The following NR3C2 variants were observed in gnomAD, a reference collection of about 807,000 sequenced individuals.
The protein encoded by NR3C2 is mineralocorticoid receptor.
NR3C2 carries 15 observed loss-of-function variants against 86.4 expected under a neutral mutation model. That is an observed-to-expected ratio of 0.17 (90% CI 0.12 to 0.27). The LOEUF is 0.27. Among genes scored for constraint, NR3C2 ranks in the 10% least tolerant of loss-of-function variants. The pLI is 1.00. For missense variants in NR3C2, 960 were observed against 1,195.6 expected, an observed-to-expected ratio of 0.80 and a Z score of 2.91; for synonymous variants, 458 against 450.5, an observed-to-expected ratio of 1.02 and a Z score of -0.21.
chr4:148,377,791 T>G (rs1230628474), intron 2 of NR3C2, among the ~76,000 whole-genome samples: 2 of 152,088 alleles, frequency 1.3e-5, no homozygotes, highest in Non-Finnish European at 2.9e-5. Flanking sequence ...ATTTCTGTTC[T>G]GTTTCCATTG....
intron 6 of NR3C2, among the ~76,000 whole-genome samples, chr4:148,136,051 C>T (rs1402602713): frequency 2.4e-3 from 126 of 53,508 alleles, no homozygotes; most frequent in Non-Finnish European, 3.9e-3. Flanking sequence ...AGCGAGACTC[C>T]GTCTCAAAAA....
chr4:148,191,380 G>T (rs1736187791), intron 4 of NR3C2, among the ~76,000 whole-genome samples: 1 of 152,148 alleles, frequency 6.6e-6, no homozygotes, highest in African/African-American at 2.4e-5. Flanking sequence ...TTCCTTTATA[G>T]GTTACCTGGT....
chr4:148,323,099 A>T (rs936514649), intron 2 of NR3C2, among the ~76,000 whole-genome samples: 5 of 148,864 alleles, frequency 3.4e-5, no homozygotes, highest in Admixed American at 2.7e-4. Context: ...CTTCTAACAG[A>T]CAGGACCCTC....
chr4:148,400,423 A>G (rs577811457), intron 2 of NR3C2, among the ~76,000 whole-genome samples: 3 of 152,318 alleles, frequency 2.0e-5, no homozygotes, highest in Non-Finnish European at 2.9e-5. Flanking sequence ...TTCCCAATCC[A>G]TAAGAGAGTA....
intron 2 of NR3C2, among the ~76,000 whole-genome samples, chr4:148,410,401 C>T (rs1748636385): frequency 6.6e-6 from 1 of 152,144 alleles, no homozygotes; most frequent in Non-Finnish European, 1.5e-5. Flanking sequence ...ACTACACCAT[C>T]GTCCAAGAAT....
chr4:148,243,379 A>T (rs1560997219), intron 3 of NR3C2, among the ~76,000 whole-genome samples: 1 of 152,062 alleles, frequency 6.6e-6, no homozygotes, highest in Admixed American at 6.6e-5. Context: ...GATAAACAGG[A>T]TCTCCACAAA....
chr4:148,392,060 G>T (rs1215571573), intron 2 of NR3C2, among the ~76,000 whole-genome samples: 1 of 151,804 alleles, frequency 6.6e-6, no homozygotes, highest in Non-Finnish European at 1.5e-5. Context: ...GGTTTAAACA[G>T]AAAGCACCAC....
At chr4:148,082,711 C>T (rs1187228834) in intron 8 of NR3C2, among the ~76,000 whole-genome samples, 5 of 149,402 alleles carry the variant, frequency 3.3e-5, no homozygotes, top group Admixed American at 6.7e-5. Flanking sequence ...GGAACACCAG[C>T]GAGACAGAAC....
At chr4:148,309,027 G>T (rs927940075) in intron 2 of NR3C2, among the ~76,000 whole-genome samples, 1 of 151,728 alleles carries the variant, frequency 6.6e-6, no homozygotes, top group African/African-American at 2.4e-5. Context: ...CTGAAAGGAG[G>T]ATATTGAATG....
At chr4:148,280,086 A>G (rs1310260655) in intron 2 of NR3C2, among the ~76,000 whole-genome samples, 1 of 152,340 alleles carries the variant, frequency 6.6e-6, no homozygotes, top group Admixed American at 6.5e-5. Flanking sequence ...ACCCTAAAAT[A>G]ATCTGTTTGC....
chr4:148,346,611 TG>T (rs1745006319), intron 2 of NR3C2, among the ~76,000 whole-genome samples: 1 of 152,076 alleles, frequency 6.6e-6, no homozygotes, highest in Non-Finnish European at 1.5e-5. Context: ...ATGGTGCACC[TG>T]GGATACAGCT....
chr4:148,147,744 C>T (rs1286723048), intron 6 of NR3C2, among the ~76,000 whole-genome samples: 2 of 152,198 alleles, frequency 1.3e-5, no homozygotes, highest in African/African-American at 2.4e-5. Flanking sequence ...TGCCAGATTG[C>T]TGCCTTTGCT....
chr4:148,431,381 A>C (rs1487919008), intron 2 of NR3C2, among the ~76,000 whole-genome samples: 1 of 152,148 alleles, frequency 6.6e-6, no homozygotes, highest in Non-Finnish European at 1.5e-5. Context: ...CTTCAAAGGA[A>C]ATTACACTGG....
In NR3C2 at chr4:148,335,859, T is replaced by C. The variant is rs185886053; in HGVS notation, c.1758-75742A>G. 5.3e-5 allele frequency among the ~76,000 whole-genome samples: 8 copies of C among 152,260 alleles called. 1 individual carries two copies. The highest frequency in any genetic ancestry group is 1.9e-4 in the African/African-American group (8 of 41,550). On this transcript the variant is annotated intron_variant, in intron 2 of 8. Coordinates refer to ENST00000358102, the MANE Select transcript of NR3C2 (RefSeq NM_000901.5). ...CACAAAAATTTTCACTGTAGTGTTA[T>C]TTACAACACAGAAAACAATGAAAAA...
At chr4:148,440,535 CTCA>C (rs1398455313) in intron 1 of NR3C2, among the ~76,000 whole-genome samples, 1 of 152,252 alleles carries the variant, frequency 6.6e-6, no homozygotes, top group African/African-American at 2.4e-5. Context: ...GCTTGCCTGC[CTCA>C]CAATGGAAAC....
At chr4:148,156,845 C>G (rs1734414902) in intron 4 of NR3C2, among the ~76,000 whole-genome samples, 1 of 152,096 alleles carries the variant, frequency 6.6e-6, no homozygotes, top group African/African-American at 2.4e-5. Flanking sequence ...GTGATAAAGA[C>G]ACATGCACAC....
rs1355393646 is a variant in NR3C2 at position 148,154,699 on chromosome 4, A to G, written c.2217T>C (p.Val739=). The part of the protein sequence containing the change: ...TISRALTPSP[V]MVLENIEPEI... Reference sequence around the variant, plus strand: ...CAGGTTCAATGTTTTCAAGGACCATAACGGGGGAAGGTGTGAGCGCTCGTG... The same window carrying G: ...CAGGTTCAATGTTTTCAAGGACCATGACGGGGGAAGGTGTGAGCGCTCGTG... Residue 739 remains valine, a synonymous_variant, in exon 5 of 9, where the codon GTT becomes GTC. Transcript: ENST00000358102. 1.2e-6 allele frequency: 2 copies of G among 1,614,010 alleles called. No individual in the cohort carries two copies. The highest frequency in any genetic ancestry group is 8.5e-7 in the Non-Finnish European group (1 of 1,180,010).
chr4:148,226,799 C>T (rs1738191275), intron 3 of NR3C2, among the ~76,000 whole-genome samples: 1 of 152,110 alleles, frequency 6.6e-6, no homozygotes, highest in South Asian at 2.1e-4. Context: ...GCATTTAATT[C>T]AGGTTTTAAT....
chr4:148,422,674 A>T (rs1219751242), intron 2 of NR3C2, among the ~76,000 whole-genome samples: 1 of 152,268 alleles, frequency 6.6e-6, no homozygotes, highest in East Asian at 1.9e-4. Context: ...TGCATATCAA[A>T]ATCCATATGT....
Sources: allele counts gnomAD v4.1 joint callset (sites outside exome capture counted in the v4.1 genomes callset), GRCh38; gene constraint gnomAD v4.1.1; transcripts MANE v1.5; gene names NCBI Gene and HGNC (gene_info 2026-07-23, HGNC 2026-07-21).